The following LONP2 variants were observed in gnomAD, a reference collection of about 807,000 sequenced individuals.
The protein encoded by LONP2 is lon peptidase 2, peroxisomal.
In LONP2, 60 loss-of-function variants were observed where a neutral mutation model predicts 85.6. The observed-to-expected ratio is 0.70, with a 90% CI of 0.57 to 0.87. The LOEUF (loss-of-function observed/expected upper bound fraction) is 0.87. LONP2 is among the 40% of genes least tolerant of loss of function. The pLI, the probability that LONP2 is intolerant of heterozygous loss-of-function variation, is 0.00. For synonymous variants in LONP2, 395 were observed against 389.7 expected, an observed-to-expected ratio of 1.01 and a Z score of -0.16; for missense variants, 860 against 1,063.5, an observed-to-expected ratio of 0.81 and a Z score of 2.66.
In LONP2 at chr16:48,362,471, A is replaced by G. The variant is rs1314442882; in HGVS notation, c.*608A>G. 6.3e-7 allele frequency: 1 copy of G among 1,596,294 alleles called. No homozygotes were observed. Among genetic ancestry groups the G allele is most frequent in the Non-Finnish European group, 8.6e-7 (1 of 1,166,552 alleles). On this transcript the variant is annotated 3_prime_UTR_variant, in exon 5 of 5. Transcript: ENST00000565867. The surrounding 1 kb of genome is among the most constrained non-coding windows in gnomAD (Gnocchi z 4.2). Reference sequence around the variant, plus strand: ...AAGGAGGCAGGAGAAAAATAATTATAACCATGACTTACTTTATAAATAATG... The same window carrying G: ...AAGGAGGCAGGAGAAAAATAATTATGACCATGACTTACTTTATAAATAATG...
At chr16:48,312,941 C>T (rs1385863224) in intron 11 of LONP2, among the ~76,000 whole-genome samples, 1 of 152,174 alleles carries the variant, frequency 6.6e-6, no homozygotes, top group Non-Finnish European at 1.5e-5. Context: ...TGAAGCCAGG[C>T]AGGCTGGACC....
chr16:48,346,760 A>C (rs2151032651), intron 12 of LONP2, among the ~76,000 whole-genome samples: 1 of 152,140 alleles, frequency 6.6e-6, no homozygotes, highest in South Asian at 2.1e-4. Context: ...GGCCAAGCTC[A>C]CTCTTCTTAA....
At chr16:48,250,087 G>A (rs1596901330) in intron 1 of LONP2, among the ~76,000 whole-genome samples, 1 of 151,902 alleles carries the variant, frequency 6.6e-6, no homozygotes, top group African/African-American at 2.4e-5. Flanking sequence ...AGCTAGTTGG[G>A]AGGCTGAGGC....
At chr16:48,244,755 G>A in intron 1 of LONP2, 134 bp downstream of exon 1, 2 of 524,426 alleles carry the variant, frequency 3.8e-6, no homozygotes, top group Non-Finnish European at 6.1e-6. Context: ...CCTCTCTGGT[G>A]CTATCACTTG....
At chr16:48,251,243 AT>A (rs548515520) in intron 1 of LONP2, among the ~76,000 whole-genome samples, 15 of 152,126 alleles carry the variant, frequency 9.9e-5, no homozygotes, top group African/African-American at 3.6e-4. Context: ...TAGTCCTTCT[AT>A]TTTCTTTTCT....
intron 11 of LONP2, among the ~76,000 whole-genome samples, chr16:48,313,407 G>A (rs948864884): frequency 2.0e-5 from 3 of 151,916 alleles, no homozygotes; most frequent in Non-Finnish European, 4.4e-5. Context: ...GTGGTTTGCT[G>A]CACAGATAAT....
At position 48,362,529 on chromosome 16, in the gene LONP2, A is replaced by T. The variant is rs1960634165; in HGVS notation, c.*666A>T. On this transcript the variant is annotated 3_prime_UTR_variant, in exon 5 of 5. Transcript: ENST00000565867. This position sits in a 1 kb window ranked among gnomAD's most constrained non-coding sequence, Gnocchi z 4.2. ...GCCATAAGTCCTTTTAAAGTTTCAT[A>T]CAAAATTTACTGAGCAAAAGAGGAA... 8.1e-7 allele frequency: 1 copy of T among 1,231,862 alleles called. No individual in the cohort carries two copies. The allele number at this position is 1,231,862 out of a possible 1,614,324, so 76.3% of individuals were successfully genotyped here.
In LONP2 at chr16:48,355,275, G is replaced by A. The variant is rs575114214; in HGVS notation, c.*3473G>A. 8 of 152,218 alleles carry A rather than the reference G, an allele frequency of 5.3e-5. No homozygotes were observed. The East Asian group carries it at 1.4e-3, about 26-fold the overall frequency. 9.4% of individuals were successfully genotyped at this position (152,218 alleles called of 1,614,324 possible). On this transcript the variant is annotated 3_prime_UTR_variant, in exon 15 of 15. Transcript: ENST00000285737. The stretch of plus-strand genomic sequence containing the variant: ...AGGCTTTAGGAGGTGATTATGTCAT[G>A]AGAGCTCCATCCTCATTAATGGATT...
In LONP2 at chr16:48,244,588, C is replaced by A; in HGVS notation, c.200C>A (p.Ala67Asp). ...GTCATCCCCAACACGCCTGACCCCG[C>A]CAGCGACGCGCAGGACCTGCCGCCG... ...LGVIPNTPDP[A>D]SDAQDLPPLH... The change falls in exon 1 of 15, where the codon GCC becomes GAC. Residue 67 changes from alanine to aspartate, a missense_variant. Ala to Asp is a moderately radical substitution (Grantham distance 126). This residue lies in a region of LONP2 where 743 missense variants were observed against 917.3 expected (regional missense o/e 0.81). Coordinates refer to ENST00000285737, the MANE Select transcript of LONP2 (RefSeq NM_031490.5). 4.7e-6 allele frequency: 7 copies of A among 1,493,630 alleles called. No individual in the cohort carries two copies. The highest frequency in any genetic ancestry group is 6.2e-6 in the Non-Finnish European group (7 of 1,124,340). The allele number at this position is 1,493,630 out of a possible 1,614,324, so 92.5% of individuals were successfully genotyped here. A position where few individuals can be genotyped will look rare whatever the true frequency, so the allele number is the denominator to read the frequency against.
intron 3 of LONP2, 61 bp downstream of exon 3, chr16:48,256,802 T>G: frequency 6.6e-7 from 1 of 1,518,092 alleles, no homozygotes; most frequent in South Asian, 1.2e-5. Context: ...ATCTAGATAG[T>G]GAGTAGTTAA....
At chr16:48,325,910 A>C (rs1973359390) in intron 11 of LONP2, among the ~76,000 whole-genome samples, 1 of 152,222 alleles carries the variant, frequency 6.6e-6, no homozygotes, top group South Asian at 2.1e-4. Context: ...CATCCACACC[A>C]ACTACAGGTG....
intron 12 of LONP2, 75 bp downstream of exon 12, chr16:48,334,433 G>A: frequency 1.3e-6 from 2 of 1,556,430 alleles, no homozygotes; most frequent in Non-Finnish European, 8.8e-7. Flanking sequence ...GGGCCGTAGG[G>A]CCTGGGCAGG....
chr16:48,303,721 G>A (rs970565570), intron 11 of LONP2, among the ~76,000 whole-genome samples: 1 of 152,190 alleles, frequency 6.6e-6, no homozygotes, highest in Admixed American at 6.5e-5. Flanking sequence ...TAGGGAAGCC[G>A]ACAGTACAGC....
chr16:48,311,656 A>G (rs1312377437), intron 11 of LONP2, among the ~76,000 whole-genome samples: 2 of 151,946 alleles, frequency 1.3e-5, no homozygotes, highest in Non-Finnish European at 2.9e-5. Flanking sequence ...TTATTTTGAA[A>G]CAGGGTCTCG....
chr16:48,259,841 C>A (rs773693995), intron 4 of LONP2, among the ~76,000 whole-genome samples: 1 of 152,156 alleles, frequency 6.6e-6, no homozygotes, highest in Non-Finnish European at 1.5e-5. Context: ...TATAGAGAGA[C>A]AAATCCACTG....
At chr16:48,358,926 A>G (rs1960472665), downstream of LONP2, among the ~76,000 whole-genome samples, 1 of 152,180 alleles carries the variant, frequency 6.6e-6, no homozygotes, top group South Asian at 2.1e-4. Context: ...GTCTACATGA[A>G]CTTTATAATC....
chr16:48,309,133 A>G (rs1972976634), intron 11 of LONP2, among the ~76,000 whole-genome samples: 1 of 152,202 alleles, frequency 6.6e-6, no homozygotes, highest in African/African-American at 2.4e-5. Context: ...TATTTTTAGA[A>G]AGTCAAAAGT....
intron 6 of LONP2, 63 bp from the exon 7 acceptor site, chr16:48,269,953 A>G (rs2150976535): frequency 6.5e-7 from 1 of 1,528,520 alleles, no homozygotes; most frequent in Non-Finnish European, 8.8e-7. Flanking sequence ...GTCATGCTTG[A>G]AAGGAGTTCT....
chr16:48,274,649 C>A (rs1286303726), intron 7 of LONP2, among the ~76,000 whole-genome samples: 1 of 151,826 alleles, frequency 6.6e-6, no homozygotes, highest in Non-Finnish European at 1.5e-5. Context: ...GATACACACA[C>A]ACACCCACAC....
Sources: gnomAD v4.1 joint callset for allele counts (sites outside exome capture counted in the v4.1 genomes callset) on GRCh38, gnomAD v4.1.1 for gene constraint, gnomAD v4.1.1 regional missense constraint, Gnocchi (gnomAD v3.1) non-coding constraint, MANE v1.5 for transcripts, NCBI Gene and HGNC (gene_info 2026-07-23, HGNC 2026-07-21) for gene names.